CDKN2B-AS1: variants seen among roughly 807,000 people sequenced by gnomAD.
CDKN2B-AS1 encodes the protein CDKN2B antisense RNA 1 (non-protein coding).
At chr9:22,045,938 TA>T (rs1321125219) in intron 1 of CDKN2B-AS1, among the ~76,000 whole-genome samples, 1 of 152,162 alleles carries the variant, frequency 6.6e-6, no homozygotes. Context: ...AAATTGGACC[TA>T]AAATGAATTC....
intron 1 of CDKN2B-AS1, among the ~76,000 whole-genome samples, chr9:22,026,345 T>TG (rs1219883566): frequency 2.6e-5 from 4 of 152,092 alleles, no homozygotes; most frequent in Non-Finnish European, 5.9e-5. Flanking sequence ...TAAGGATGAA[T>TG]GGGATCGGGG....
chr9:22,080,821 CAAAG>C (rs1824665605), intron 4 of CDKN2B-AS1, among the ~76,000 whole-genome samples: 1 of 152,152 alleles, frequency 6.6e-6, no homozygotes, highest in Non-Finnish European at 1.5e-5. Flanking sequence ...AGCTACATGA[CAAAG>C]AAAATAGGAG....
intron 4 of CDKN2B-AS1, among the ~76,000 whole-genome samples, chr9:22,111,720 T>G (rs1056465259): frequency 6.6e-6 from 1 of 152,178 alleles, no homozygotes; most frequent in African/African-American, 2.4e-5. Context: ...GCATTTAATT[T>G]CAGTGCCAAT....
intron 4 of CDKN2B-AS1, among the ~76,000 whole-genome samples, chr9:22,097,071 G>T (rs1182415333): frequency 2.6e-5 from 4 of 152,118 alleles, no homozygotes; most frequent in South Asian, 4.2e-4. Context: ...CATACCAAAG[G>T]CCATCAGGGA....
intron 4 of CDKN2B-AS1, among the ~76,000 whole-genome samples, chr9:22,106,178 G>T (rs1825652998): frequency 6.6e-6 from 1 of 152,090 alleles, no homozygotes; most frequent in Non-Finnish European, 1.5e-5. Flanking sequence ...CACCTCCTGG[G>T]TTCAAGCCAT....
intron 1 of CDKN2B-AS1, among the ~76,000 whole-genome samples, chr9:22,011,798 G>C (rs1009936018): frequency 6.6e-6 from 1 of 152,156 alleles, no homozygotes; most frequent in Non-Finnish European, 1.5e-5. Flanking sequence ...GCTGTCTCTA[G>C]GGTGAAACAC....
intron 1 of CDKN2B-AS1, chr9:22,030,383 AG>A (rs1230234130): frequency 6.6e-6 from 1 of 152,190 alleles, no homozygotes; most frequent in Non-Finnish European, 1.5e-5. Context: ...AGTTTGGGCT[AG>A]GAAGAGATTG....
chr9:22,127,725 A>G (rs1246963029), exon 5 of CDKN2B-AS1, among the ~76,000 whole-genome samples: 5 of 152,208 alleles, frequency 3.3e-5, no homozygotes, highest in African/African-American at 1.2e-4. Context: ...GAGGATGATT[A>G]CTAGAAGGGA....
At position 21,996,120 on chromosome 9, in the gene CDKN2B-AS1, G is replaced by C. The variant is rs2131155975; in HGVS notation, n.29+959G>C. ...CTTACAGGGGAGGAAAGTGAGGCCT[G>C]CACTGGCCGAGCCACCCACTTAAGG... On this transcript the variant is annotated intron_variant and non_coding_transcript_variant, in intron 1 of 4. Coordinates refer to ENST00000650946, the Ensembl canonical transcript of CDKN2B-AS1. The surrounding 1 kb of genome is among the most constrained non-coding windows in gnomAD (Gnocchi z 5.4). The C allele has an allele frequency of 6.6e-6, 1 of 152,434 alleles. No individual in the cohort carries two copies. The highest frequency in any genetic ancestry group is 2.4e-5 in the African/African-American group (1 of 41,578). The allele number at this position is 152,434 out of a possible 1,614,324, so 9.4% of individuals were successfully genotyped here. A position where few individuals can be genotyped will look rare whatever the true frequency, so the allele number is the denominator to read the frequency against.
intron 4 of CDKN2B-AS1, among the ~76,000 whole-genome samples, chr9:22,078,944 T>G (rs1299086136): frequency 6.6e-6 from 1 of 152,214 alleles, no homozygotes; most frequent in Non-Finnish European, 1.5e-5. Flanking sequence ...GCACTCACTT[T>G]TACTGAGTTT....
At position 22,006,349 on chromosome 9, in the gene CDKN2B-AS1, C is replaced by T. The variant is rs974336; in HGVS notation, n.29+11188C>T. On this transcript the variant is annotated intron_variant and non_coding_transcript_variant, in intron 1 of 4. Coordinates refer to ENST00000650946, the Ensembl canonical transcript of CDKN2B-AS1. The surrounding 1 kb of genome is among the most constrained non-coding windows in gnomAD (Gnocchi z 6.4). ...AGCCATTTAAAGAAACACCTAATTG[C>T]AAAGTTTTCACCCAGTGCAGAGGTG... The T allele has an allele frequency of 0.11, 160,490 of 1,496,034 alleles. 9,842 individuals carry two copies. The highest frequency in any genetic ancestry group is 0.25 in the African/African-American group (17,874 of 72,504). 92.7% of individuals were successfully genotyped at this position (1,496,034 alleles called of 1,614,324 possible).
At position 22,005,186 on chromosome 9, in the gene CDKN2B-AS1, C is replaced by G. The variant is rs1821108568; in HGVS notation, n.29+10025C>G. On this transcript the variant is annotated intron_variant and non_coding_transcript_variant, in intron 1 of 4. Coordinates refer to ENST00000650946, the Ensembl canonical transcript of CDKN2B-AS1. This position sits in a 1 kb window ranked among gnomAD's most constrained non-coding sequence, Gnocchi z 4.9. ...AACCGTTACAATTGCTCTCACTCCA[C>G]TCCACCACCTCATCCTGTGTAGTCT... 8.6e-6 allele frequency: 2 copies of G among 233,490 alleles called. No individual in the cohort carries two copies. The highest frequency in any genetic ancestry group is 1.7e-5 in the Non-Finnish European group (2 of 118,328). 14.5% of individuals were successfully genotyped at this position (233,490 alleles called of 1,614,324 possible).
intron 4 of CDKN2B-AS1, among the ~76,000 whole-genome samples, chr9:22,121,600 A>T (rs1344040729): frequency 1.3e-5 from 2 of 151,684 alleles, no homozygotes; most frequent in Admixed American, 1.3e-4. Flanking sequence ...TCTACTTTTT[A>T]CTTCTATGAA....
intron 4 of CDKN2B-AS1, among the ~76,000 whole-genome samples, chr9:22,085,484 G>A (rs1434406503): frequency 6.6e-6 from 1 of 152,160 alleles, no homozygotes; most frequent in East Asian, 1.9e-4. Flanking sequence ...ACTTTGGGAG[G>A]CTGAGGCGGG....
chr9:22,025,375 G>A (rs1167110424), intron 1 of CDKN2B-AS1, among the ~76,000 whole-genome samples: 2 of 152,198 alleles, frequency 1.3e-5, no homozygotes, highest in Non-Finnish European at 2.9e-5. Context: ...TTATTAGTCA[G>A]AGGGTAGCAA....
intron 1 of CDKN2B-AS1, among the ~76,000 whole-genome samples, chr9:22,018,135 C>T (rs1821858597): frequency 6.6e-6 from 1 of 150,894 alleles, no homozygotes; most frequent in African/African-American, 2.4e-5. Context: ...ACCAGCCTGA[C>T]CAACATGGTG....
chr9:22,120,477 T>C (rs1333309087), intron 4 of CDKN2B-AS1: 2 of 120,090 alleles, frequency 1.7e-5, no homozygotes, highest in South Asian at 3.0e-4. Context: ...TTGTAAGCAC[T>C]TCTACCTTTT....
chr9:22,007,347 A>T (rs1821240081), intron 1 of CDKN2B-AS1, among the ~76,000 whole-genome samples: 1 of 134,134 alleles, frequency 7.5e-6, no homozygotes. Context: ...CGACAGAGTG[A>T]GGCCTCATCT....
chr9:22,038,057 A>C (rs1044104970), intron 1 of CDKN2B-AS1, among the ~76,000 whole-genome samples: 1 of 152,060 alleles, frequency 6.6e-6, no homozygotes, highest in African/African-American at 2.4e-5. Flanking sequence ...TAGTACTTAC[A>C]CAATCATATT....
Sources: gnomAD v4.1 joint callset for allele counts (sites outside exome capture counted in the v4.1 genomes callset) on GRCh38, gnomAD v4.1.1 for gene constraint, Gnocchi (gnomAD v3.1) non-coding constraint, MANE v1.5 for transcripts, NCBI Gene and HGNC (gene_info 2026-07-23, HGNC 2026-07-21) for gene names.